The following GCSAML variants were observed in gnomAD, a reference collection of about 807,000 sequenced individuals.
GCSAML encodes germinal center-associated signaling and motility-like protein.
GCSAML carries 9 observed loss-of-function variants against 13.0 expected under a neutral mutation model. The ratio of observed to expected loss-of-function variants is 0.69; its 90% CI spans 0.42 to 1.21. GCSAML has a LOEUF of 1.21. Ranked by LOEUF, GCSAML falls within the 50% of genes most tolerant of loss-of-function variation. The pLI is 0.00. For missense variants in GCSAML, 143 were observed against 153.4 expected (o/e 0.93, Z 0.36); for synonymous variants, 37 against 52.9 (o/e 0.70, Z 1.31).
intron 1 of GCSAML, among the ~76,000 whole-genome samples, chr1:247,550,932 A>G (rs1015005755): frequency 6.6e-6 from 1 of 152,218 alleles, no homozygotes; most frequent in African/African-American, 2.4e-5. Flanking sequence ...TTCAGAGAAC[A>G]TCGTACTTAA....
rs145781714 is a variant in GCSAML at position 247,532,423 on chromosome 1, A to G, written c.-148+5369A>G. On this transcript the variant is annotated intron_variant, in intron 2 of 5. Transcript: ENST00000366489. ...TACCATGTAAAAACTCAAGACAACT[A>G]TGAAGAGGACAGTTTCTAGTGAGGG... 4.3e-6 allele frequency: 7 copies of G among 1,614,008 alleles called. No homozygotes were observed. The Admixed American group carries it at 8.3e-5, about 19-fold the overall frequency.
intron 2 of GCSAML, among the ~76,000 whole-genome samples, chr1:247,558,836 AC>A (rs1222709240): frequency 6.6e-6 from 1 of 152,190 alleles, no homozygotes; most frequent in Non-Finnish European, 1.5e-5. Context: ...TTATTCTTGG[AC>A]CTGAGTAGTT....
At chr1:247,554,096 A>C (rs1287835227) in intron 1 of GCSAML, among the ~76,000 whole-genome samples, 1 of 152,194 alleles carries the variant, frequency 6.6e-6, no homozygotes, top group Non-Finnish European at 1.5e-5. Flanking sequence ...ATGGGTTGGC[A>C]TCATTTTACA....
At chr1:247,547,272 A>G (rs1446871135), upstream of GCSAML, among the ~76,000 whole-genome samples, 1 of 152,240 alleles carries the variant, frequency 6.6e-6, no homozygotes, top group Non-Finnish European at 1.5e-5. Context: ...AACAGCAGCC[A>G]TGGCCATAAT....
intron 1 of GCSAML, among the ~76,000 whole-genome samples, chr1:247,516,183 C>T (rs1034718709): frequency 3.3e-5 from 5 of 152,216 alleles, no homozygotes; most frequent in African/African-American, 9.6e-5. Flanking sequence ...GGACCACTTC[C>T]TTCTTGTGTG....
intron 1 of GCSAML, among the ~76,000 whole-genome samples, chr1:247,512,138 T>C (rs1258098599): frequency 6.6e-6 from 1 of 152,202 alleles, no homozygotes; most frequent in African/African-American, 2.4e-5. Context: ...CACTTTCAGG[T>C]ATACCAATCA....
At chr1:247,572,194 A>T (rs75495608) in intron 4 of GCSAML, among the ~76,000 whole-genome samples, 3 of 151,684 alleles carry the variant, frequency 2.0e-5, no homozygotes, top group Non-Finnish European at 2.9e-5. Context: ...TCTGAAGCCC[A>T]CCTCTGTCAA....
intron 1 of GCSAML, among the ~76,000 whole-genome samples, chr1:247,517,676 C>A (rs775848067): frequency 9.2e-5 from 14 of 152,164 alleles, no homozygotes; most frequent in Non-Finnish European, 1.3e-4. Context: ...TAGCTTTCTT[C>A]TCTTCACAAA....
chr1:247,541,819 G>A (rs1387638867), intron 2 of GCSAML, among the ~76,000 whole-genome samples: 1 of 151,948 alleles, frequency 6.6e-6, no homozygotes, highest in Non-Finnish European at 1.5e-5. Flanking sequence ...AGACTAGCCT[G>A]CCCAACATGG....
chr1:247,562,506 G>GA (rs1180496265), intron 2 of GCSAML, among the ~76,000 whole-genome samples: 1 of 152,192 alleles, frequency 6.6e-6, no homozygotes, highest in Non-Finnish European at 1.5e-5. Context: ...AGACTTCCAA[G>GA]AGGGGTCTCT....
chr1:247,515,677 C>T (rs1666185423), intron 1 of GCSAML, among the ~76,000 whole-genome samples: 1 of 152,200 alleles, frequency 6.6e-6, no homozygotes, highest in African/African-American at 2.4e-5. Flanking sequence ...GCTCCTCTTA[C>T]CATGGTGGAG....
At chr1:247,561,979 G>C (rs1201752247) in intron 2 of GCSAML, among the ~76,000 whole-genome samples, 3 of 152,126 alleles carry the variant, frequency 2.0e-5, no homozygotes, top group African/African-American at 7.2e-5. Context: ...GGATCCCTCA[G>C]GCTTAAGACC....
chr1:247,540,897 CAA>C (rs755882304), intron 2 of GCSAML, among the ~76,000 whole-genome samples: 2 of 152,202 alleles, frequency 1.3e-5, no homozygotes, highest in African/African-American at 2.4e-5. Context: ...GAAAAAAACT[CAA>C]GAGCCTTTGA....
At chr1:247,569,706 T>C (rs1668527445) in intron 4 of GCSAML, among the ~76,000 whole-genome samples, 1 of 152,226 alleles carries the variant, frequency 6.6e-6, no homozygotes, top group South Asian at 2.1e-4. Context: ...CATATCAGGG[T>C]GATGCTGGCC....
chr1:247,571,307 C>T (rs1300052079), intron 4 of GCSAML, among the ~76,000 whole-genome samples: 1 of 152,156 alleles, frequency 6.6e-6, no homozygotes, highest in Non-Finnish European at 1.5e-5. Context: ...ATGGACTTTA[C>T]ATTTTGGTTT....
At chr1:247,565,651 G>T in intron 3 of GCSAML, 1 of 317,908 alleles carries the variant, frequency 3.1e-6, no homozygotes, top group Non-Finnish European at 5.7e-6. Flanking sequence ...ACCAAATTTT[G>T]AAATCCATCT....
intron 1 of GCSAML, among the ~76,000 whole-genome samples, chr1:247,521,255 G>A (rs1666405798): frequency 6.6e-6 from 1 of 151,920 alleles, no homozygotes; most frequent in African/African-American, 2.4e-5. Flanking sequence ...CAGGATTGAT[G>A]AGACTGTTAC....
chr1:247,574,087 G>A, intron 4 of GCSAML, 56 bp from the exon 5 acceptor site: 2 of 1,598,366 alleles, frequency 1.3e-6, no homozygotes, highest in Middle Eastern at 1.8e-4. Context: ...AGTACACTGA[G>A]TTCAATTTAT....
intron 4 of GCSAML, among the ~76,000 whole-genome samples, chr1:247,569,250 G>A (rs1668507346): frequency 6.6e-6 from 1 of 152,154 alleles, no homozygotes; most frequent in South Asian, 2.1e-4. Context: ...ATGTTGAATA[G>A]GAGTGGAGAG....
Sources: allele counts gnomAD v4.1 joint callset (sites outside exome capture counted in the v4.1 genomes callset), GRCh38; gene constraint gnomAD v4.1.1; transcripts MANE v1.5; gene names NCBI Gene and HGNC (gene_info 2026-07-23, HGNC 2026-07-21).